Variants in ROBO2 observed in about 807,000 individuals in gnomAD.
ROBO2 encodes roundabout guidance receptor 2.
Under a neutral mutation model 160.8 loss-of-function variants are expected in ROBO2, and 53 were observed. The observed-to-expected ratio is 0.33, with a 90% CI of 0.26 to 0.41. ROBO2 has a LOEUF of 0.41. Among genes scored for constraint, ROBO2 ranks in the 10% least tolerant of loss-of-function variants. The probability of loss-of-function intolerance (pLI) is 1.00; values close to 1 mark genes in which losing one functional copy is unlikely to be tolerated. For synonymous variants in ROBO2, 664 were observed against 611.7 expected (o/e 1.09, Z -1.26); for missense variants, 1,577 against 1,722.4 (o/e 0.92, Z 1.49).
intron 2 of ROBO2, among the ~76,000 whole-genome samples, chr3:75,937,891 ATG>A (rs369715198): frequency 2.0e-4 from 26 of 129,474 alleles, no homozygotes; most frequent in South Asian, 4.8e-4. Context: ...TTATGAGGCT[ATG>A]TGTGTGTGTG....
intron 2 of ROBO2, among the ~76,000 whole-genome samples, chr3:77,309,937 C>T (rs2063400977): frequency 6.6e-6 from 1 of 152,122 alleles, no homozygotes; most frequent in Non-Finnish European, 1.5e-5. Context: ...GTAAAATCTT[C>T]CTGCATGTAA....
At chr3:77,068,434 T>C (rs2067083877) in intron 1 of ROBO2, among the ~76,000 whole-genome samples, 1 of 152,116 alleles carries the variant, frequency 6.6e-6, no homozygotes, top group Admixed American at 6.6e-5. Flanking sequence ...CACCACCCTA[T>C]TAAGAATATA....
At chr3:76,753,777 T>C (rs2060814705) in intron 2 of ROBO2, among the ~76,000 whole-genome samples, 1 of 151,934 alleles carries the variant, frequency 6.6e-6, no homozygotes. Context: ...TATATGACTG[T>C]AACCAGTAGG....
At chr3:77,429,010 C>T (rs1313334538) in intron 2 of ROBO2, among the ~76,000 whole-genome samples, 1 of 152,148 alleles carries the variant, frequency 6.6e-6, no homozygotes, top group East Asian at 1.9e-4. Flanking sequence ...ATAGTTAGTG[C>T]TACTCTAAAG....
intron 2 of ROBO2, among the ~76,000 whole-genome samples, chr3:76,506,939 T>A (rs2080829996): frequency 6.6e-6 from 1 of 152,198 alleles, no homozygotes; most frequent in African/African-American, 2.4e-5. Flanking sequence ...AGTCAAAATC[T>A]TCTAATAAAA....
At chr3:76,385,566 G>A (rs536082884) in intron 2 of ROBO2, among the ~76,000 whole-genome samples, 6 of 152,058 alleles carry the variant, frequency 3.9e-5, no homozygotes, top group African/African-American at 7.2e-5. Context: ...AAGCGTACCC[G>A]CAAATTAGAT....
chr3:76,435,452 C>A, intron 2 of ROBO2: 1 of 760,658 alleles, frequency 1.3e-6, no homozygotes. Flanking sequence ...GGGTTCTTTG[C>A]CCTCCCTTCA....
chr3:76,587,214 TTTTATTG>T (rs748774838), intron 2 of ROBO2, among the ~76,000 whole-genome samples: 9 of 152,142 alleles, frequency 5.9e-5, no homozygotes, highest in Non-Finnish European at 4.4e-5. Context: ...TTATTTATGT[TTTTATTG>T]CTTTTTCTCC....
chr3:77,349,520 A>C (rs982348369), intron 2 of ROBO2, among the ~76,000 whole-genome samples: 1 of 152,272 alleles, frequency 6.6e-6, no homozygotes, highest in South Asian at 2.1e-4. Context: ...ACTTACCTTA[A>C]AGAGCTAGAA....
intron 2 of ROBO2, among the ~76,000 whole-genome samples, chr3:76,496,546 T>A (rs75204049): frequency 6.6e-6 from 1 of 152,176 alleles, no homozygotes; most frequent in Non-Finnish European, 1.5e-5. Flanking sequence ...TTCCCAAGAC[T>A]CTCATATCCA....
intron 2 of ROBO2, among the ~76,000 whole-genome samples, chr3:76,816,084 G>T (rs1177474424): frequency 6.6e-6 from 1 of 152,054 alleles, no homozygotes; most frequent in Non-Finnish European, 1.5e-5. Context: ...CAGCAGAGAA[G>T]ATTTTAAATT....
chr3:77,023,245 G>A (rs572037712), intron 2 of ROBO2, among the ~76,000 whole-genome samples: 1 of 152,096 alleles, frequency 6.6e-6, no homozygotes, highest in Admixed American at 6.6e-5. Flanking sequence ...TTCTCTTGCT[G>A]CCACCATGTA....
chr3:76,846,875 C>G (rs1033884688), intron 2 of ROBO2, among the ~76,000 whole-genome samples: 1 of 152,052 alleles, frequency 6.6e-6, no homozygotes, highest in African/African-American at 2.4e-5. Context: ...AGCTATAATT[C>G]AGTTCAGAGT....
At chr3:76,519,194 T>C (rs1040463440) in intron 2 of ROBO2, among the ~76,000 whole-genome samples, 3 of 152,224 alleles carry the variant, frequency 2.0e-5, no homozygotes, top group African/African-American at 7.2e-5. Context: ...CATATAATGA[T>C]AGCTTAATAC....
chr3:77,461,131 T>C (rs1335236972), intron 2 of ROBO2, among the ~76,000 whole-genome samples: 1 of 152,160 alleles, frequency 6.6e-6, no homozygotes, highest in Non-Finnish European at 1.5e-5. Context: ...AAATAATATG[T>C]TTTTAGAACC....
At chr3:77,154,996 A>G (rs1041809603) in intron 2 of ROBO2, among the ~76,000 whole-genome samples, 1 of 151,960 alleles carries the variant, frequency 6.6e-6, no homozygotes, top group Non-Finnish European at 1.5e-5. Context: ...ACAAACCTGC[A>G]CGTATACTCC....
At position 76,872,029 on chromosome 3, in the gene ROBO2, T is replaced by C. The variant is rs1294233383; in HGVS notation, c.110-225985T>C. Among the ~76,000 whole-genome samples the C allele has an allele frequency of 5.9e-5, 9 of 152,324 alleles. No individual in the cohort carries two copies. The East Asian group carries it at 1.5e-3, about 26-fold the overall frequency. On this transcript the variant is annotated intron_variant, in intron 2 of 26. Transcript: ENST00000487694. ...TGGAAAATTATAACACCTGGAGATT[T>C]GTCATAAATGTCACTGAAATATTAA...
chr3:76,946,808 A>G (rs2078577375), intron 2 of ROBO2, among the ~76,000 whole-genome samples: 1 of 152,158 alleles, frequency 6.6e-6, no homozygotes, highest in Non-Finnish European at 1.5e-5. Context: ...CAATTTAGGG[A>G]GACTGCTGGG....
At chr3:76,944,679 A>G (rs182997091) in intron 2 of ROBO2, among the ~76,000 whole-genome samples, 111 of 152,344 alleles carry the variant, frequency 7.3e-4, no homozygotes, top group African/African-American at 2.5e-3. Context: ...TTGAATGGCC[A>G]TGCATAAAGC....
Sources: gnomAD v4.1 joint callset for allele counts (sites outside exome capture counted in the v4.1 genomes callset) on GRCh38, gnomAD v4.1.1 for gene constraint, MANE v1.5 for transcripts, NCBI Gene and HGNC (gene_info 2026-07-23, HGNC 2026-07-21) for gene names.